Variants in IFNAR1 observed in about 807,000 individuals in gnomAD.
The protein encoded by IFNAR1 is interferon alpha and beta receptor subunit 1, also known as interferon alpha/beta receptor 1.
Under a neutral mutation model 62.1 loss-of-function variants are expected in IFNAR1, and 47 were observed. The ratio of observed to expected loss-of-function variants is 0.76; its 90% CI spans 0.60 to 0.97. The LOEUF is 0.97. IFNAR1 is among the 50% of genes least tolerant of loss of function. The pLI is 0.00. For synonymous variants in IFNAR1, 219 were observed against 226.9 expected (o/e 0.97, Z 0.31); for missense variants, 638 against 654.5 (o/e 0.97, Z 0.27).
chr21:33,330,873 C>A (rs541745297), intron 1 of IFNAR1, among the ~76,000 whole-genome samples: 2 of 152,274 alleles, frequency 1.3e-5, no homozygotes, highest in East Asian at 3.9e-4. Context: ...CACTGGGGTT[C>A]CTTAGAGTCC....
At chr21:33,354,003 C>T (rs1470638950) in intron 10 of IFNAR1, among the ~76,000 whole-genome samples, 1 of 152,166 alleles carries the variant, frequency 6.6e-6, no homozygotes, top group African/African-American at 2.4e-5. Context: ...TCATATTTTT[C>T]TGGCAATTCC....
chr21:33,329,325 A>G (rs2083155526), intron 1 of IFNAR1, among the ~76,000 whole-genome samples: 1 of 152,210 alleles, frequency 6.6e-6, no homozygotes, highest in Non-Finnish European at 1.5e-5. Flanking sequence ...TATAAATTCT[A>G]ACAAATGGAT....
rs1247458655 is a variant in IFNAR1, at chr21:33,348,951, T to A, written c.789-140T>A. On this transcript the variant is annotated intron_variant, in intron 6 of 10. Transcript: ENST00000270139. ...GTCTTTGGTTTTCTTTTATGTTAGA[T>A]GCATATCTCTTCCATTGTTTGTGAG... is the stretch of plus-strand genomic sequence containing the variant. 6.8e-6 allele frequency: 4 copies of A among 590,012 alleles called. No homozygotes were observed. The East Asian group carries it at 8.5e-5, about 13-fold the overall frequency. 36.5% of individuals were successfully genotyped at this position (590,012 alleles called of 1,614,324 possible).
Position 33,341,180 on chromosome 21 carries a change from A to C in IFNAR1, c.376+6A>C. On this transcript the variant is annotated splice_donor_region_variant and intron_variant, in intron 3 of 10. Transcript: ENST00000270139. ...ATTTACACCATTTCGCAAAGGTAAG[A>C]AAAAGTTGCTAGCTGAATTATATTC... 3 of 1,598,666 alleles carry C rather than the reference A, an allele frequency of 1.9e-6. No homozygotes were observed. Among genetic ancestry groups the C allele is most frequent in the Non-Finnish European group, 2.6e-6 (3 of 1,171,242 alleles).
intron 10 of IFNAR1, among the ~76,000 whole-genome samples, chr21:33,354,673 C>T (rs550846953): frequency 6.6e-6 from 1 of 152,230 alleles, no homozygotes; most frequent in African/African-American, 2.4e-5. Context: ...AAACCATGTG[C>T]TCATCTAGGG....
chr21:33,354,657 C>T (rs750602356), intron 10 of IFNAR1, among the ~76,000 whole-genome samples: 1 of 152,018 alleles, frequency 6.6e-6, no homozygotes, highest in Non-Finnish European at 1.5e-5. Context: ...AGAATCTGTT[C>T]CTGGGAAACC....
chr21:33,332,599 A>G (rs2083191667), intron 1 of IFNAR1, among the ~76,000 whole-genome samples: 1 of 152,228 alleles, frequency 6.6e-6, no homozygotes, highest in South Asian at 2.1e-4. Context: ...AACAAGATAC[A>G]AGAAAATACA....
Position 33,343,288 on chromosome 21 carries a change from G to T in IFNAR1, c.397G>T (p.Val133Leu), listed in dbSNP as rs759868066. The T allele has an allele frequency of 9.9e-6, 16 of 1,613,104 alleles. No homozygotes were observed. Among genetic ancestry groups the T allele is most frequent in the Non-Finnish European group, 1.3e-5 (15 of 1,179,582 alleles). The change falls in exon 4 of 11, where the codon GTA becomes TTA. Residue 133 changes from valine to leucine, a missense_variant. Physicochemically the swap from Val to Leu is conservative, Grantham distance 32. Coordinates refer to ENST00000270139, the MANE Select transcript of IFNAR1 (RefSeq NM_000629.3). Reference sequence around the variant, plus strand: ...TGCAGCTCAGATTGGTCCTCCAGAAGTACATTTAGAAGCTGAAGATAAGGC... The same window carrying T: ...TGCAGCTCAGATTGGTCCTCCAGAATTACATTTAGAAGCTGAAGATAAGGC... The part of the protein sequence containing the change: ...FRKAQIGPPE[V>L]HLEAEDKAIV...
At chr21:33,336,640 T>C (rs921622099) in intron 2 of IFNAR1, among the ~76,000 whole-genome samples, 3 of 152,208 alleles carry the variant, frequency 2.0e-5, no homozygotes, top group African/African-American at 7.2e-5. Flanking sequence ...AGATATGGCA[T>C]TGTACTCCAA....
chr21:33,346,323 T>C (rs2083345958), intron 6 of IFNAR1, among the ~76,000 whole-genome samples: 1 of 151,906 alleles, frequency 6.6e-6, no homozygotes, highest in Non-Finnish European at 1.5e-5. Flanking sequence ...CAGAAGAAAC[T>C]GGAAAGAAAC....
At chr21:33,335,991 T>A (rs2123669848) in intron 2 of IFNAR1, among the ~76,000 whole-genome samples, 1 of 149,230 alleles carries the variant, frequency 6.7e-6, no homozygotes, top group African/African-American at 2.5e-5. Flanking sequence ...GTTACGTATG[T>A]ATACATGTGC....
In IFNAR1 at chr21:33,341,038, G is replaced by C. The variant is rs1333470928; in HGVS notation, c.240G>C (p.Gln80His). The C allele has an allele frequency of 3.7e-6, 6 of 1,612,482 alleles. No individual in the cohort carries two copies. Among genetic ancestry groups the C allele is most frequent in the Non-Finnish European group, 5.1e-6 (6 of 1,178,942 alleles). Residue 80 changes from glutamine to histidine, a missense_variant, in exon 3 of 11, where the codon CAG (glutamine) becomes CAC (histidine). Physicochemically the swap from Gln to His is conservative, Grantham distance 24. Transcript: ENST00000270139. Reference sequence around the variant, plus strand: ...ATTGGATAAAATTGTCTGGGTGTCAGAATATTACTAGTACCAAATGCAACT... The same window carrying C: ...ATTGGATAAAATTGTCTGGGTGTCACAATATTACTAGTACCAAATGCAACT... ...MDNWIKLSGC[Q>H]NITSTKCNFS... is the part of the protein sequence containing the mutation.
rs773018380 is a variant in IFNAR1, at chr21:33,352,788, A to G, written c.1174A>G (p.Thr392Ala). The change falls in exon 9 of 11, where the codon ACA becomes GCA. Residue 392 changes from threonine to alanine, a missense_variant. Transcript: ENST00000270139. ...RKIIEKKTDV[T>A]VPNLKPLTVY... Reference sequence around the variant, plus strand: ...AATTATCGAGAAAAAAACTGATGTTACAGTTCCTAATTTGAAACCACTGAC... The same window carrying G: ...AATTATCGAGAAAAAAACTGATGTTGCAGTTCCTAATTTGAAACCACTGAC... 7 of 1,543,896 alleles carry G rather than the reference A, an allele frequency of 4.5e-6. No homozygotes were observed. The highest frequency in any genetic ancestry group is 6.2e-6 in the Non-Finnish European group (7 of 1,131,260).
At chr21:33,326,622 G>T (rs2083129407) in intron 1 of IFNAR1, among the ~76,000 whole-genome samples, 1 of 152,196 alleles carries the variant, frequency 6.6e-6, no homozygotes, top group Non-Finnish European at 1.5e-5. Context: ...ATCTGTCAGG[G>T]TAGCCCTTCG....
At position 33,341,011 on chromosome 21, in the gene IFNAR1, T is replaced by C. The variant is rs9981753; in HGVS notation, c.213T>C (p.Asp71=). 4.1e-3 allele frequency: 6,582 copies of C among 1,607,582 alleles called. 145 individuals are homozygous for C. The African/African-American group carries it at 0.057, about 14-fold the overall frequency. ...TTTTACTTTAAAGAACTGGGATGGA[T>C]AATTGGATAAAATTGTCTGGGTGTC... is the stretch of plus-strand genomic sequence containing the variant. ...FSFDYQKTGM[D]NWIKLSGCQN... The change falls in exon 3 of 11, where the codon GAT becomes GAC. Residue 71 remains aspartate, a synonymous_variant. Transcript: ENST00000270139.
Position 33,356,111 on chromosome 21 carries a change from T to C in IFNAR1, c.*562T>C, listed in dbSNP as rs1264911995. The C allele has an allele frequency of 6.6e-6, 1 of 152,270 alleles. No homozygotes were observed. Among genetic ancestry groups the C allele is most frequent in the Admixed American group, 6.5e-5 (1 of 15,276 alleles). The allele number at this position is 152,270 out of a possible 1,614,324, so 9.4% of individuals were successfully genotyped here. On this transcript the variant is annotated 3_prime_UTR_variant, in exon 11 of 11. Coordinates refer to ENST00000270139, the MANE Select transcript of IFNAR1 (RefSeq NM_000629.3). The stretch of plus-strand genomic sequence containing the variant: ...GTCACCGGACTTGCATTGGATGAGA[T>C]GAGTCAGACCAAAACAGTGGCCACC...
At chr21:33,333,758 G>A (rs1380970646) in intron 1 of IFNAR1, among the ~76,000 whole-genome samples, 2 of 151,492 alleles carry the variant, frequency 1.3e-5, no homozygotes, top group Non-Finnish European at 2.9e-5. Flanking sequence ...TGAGTAGCTG[G>A]GACTACAGGC....
Position 33,338,406 on chromosome 21 carries a change from G to A in IFNAR1, c.201-2593G>A, listed in dbSNP as rs575221651. On this transcript the variant is annotated intron_variant, in intron 2 of 10. Transcript: ENST00000270139. ...AAACTTCAGCCGGATGTGGTGGTGC[G>A]TGCTGTAATCCCACCTACTTGGGAG... Among the ~76,000 whole-genome samples, 10 of 53,046 alleles carry A rather than the reference G, an allele frequency of 1.9e-4. No individual in the cohort carries two copies. In the South Asian group the frequency reaches 2.9e-3, roughly 16 times the overall value. The allele number at this position is 53,046 out of a possible 152,430, so 34.8% of individuals were successfully genotyped here.
chr21:33,353,708 TGCTG>T lies in IFNAR1; in HGVS notation c.1366_1369del (p.Ala456ArgfsTer5). ...TATTTGCTCTCCCGTTTGTCATTTA[TGCTG>T]CGAAAGTCTTCTTGAGATGCATCAA... On this transcript the variant is annotated frameshift_variant, in exon 10 of 11. Transcript: ENST00000270139. LOFTEE classifies it high-confidence loss of function. 2 of 1,591,658 alleles carry T rather than the reference TGCTG, an allele frequency of 1.3e-6. No individual in the cohort carries two copies. Among genetic ancestry groups the T allele is most frequent in the Non-Finnish European group, 1.7e-6 (2 of 1,171,116 alleles).
Sources: allele counts gnomAD v4.1 joint callset (sites outside exome capture counted in the v4.1 genomes callset), GRCh38; gene constraint gnomAD v4.1.1; transcripts MANE v1.5; gene names NCBI Gene and HGNC (gene_info 2026-07-23, HGNC 2026-07-21).